The following ZNF587B variants were observed in gnomAD, a reference collection of about 807,000 sequenced individuals.
ZNF587B encodes zinc finger protein 587B.
ZNF587B carries 6 observed loss-of-function variants against 7.2 expected under a neutral mutation model. That is an observed-to-expected ratio of 0.83 (90% CI 0.46 to 1.65). The LOEUF is 1.65. Among genes scored for constraint, ZNF587B ranks in the 40% most tolerant of loss-of-function variants. The probability of loss-of-function intolerance (pLI) is 0.01; values close to 1 mark genes in which losing one functional copy is unlikely to be tolerated. For missense variants in ZNF587B, 749 were observed against 761.0 expected (o/e 0.98, Z 0.19); for synonymous variants, 274 against 254.3 (o/e 1.08, Z -0.74).
intron 1 of ZNF587B, among the ~76,000 whole-genome samples, chr19:57,837,487 A>C (rs926512218): frequency 5.7e-5 from 8 of 140,198 alleles, no homozygotes; most frequent in African/African-American, 8.0e-5. Flanking sequence ...CTCGCTCTGT[A>C]GCCCAGGCTG....
Position 57,837,375 on chromosome 19 carries a change from A to T in ZNF587B, c.37-1648A>T, listed in dbSNP as rs1190571020. Among the ~76,000 whole-genome samples, 3 of 147,388 alleles carry T rather than the reference A, an allele frequency of 2.0e-5. 1 individual carries two copies. Among genetic ancestry groups the T allele is most frequent in the South Asian group, 4.3e-4 (2 of 4,630 alleles). ...TGGTTCAAGTGATTCTCCTGCCTCA[A>T]CCTCCTGAGTAGCTGGGATCACAGG... On this transcript the variant is annotated intron_variant, in intron 1 of 2. Coordinates refer to ENST00000594901, the MANE Select transcript of ZNF587B (RefSeq NM_001376223.1).
At chr19:57,832,384 C>T (rs539557552) in intron 1 of ZNF587B, among the ~76,000 whole-genome samples, 2 of 152,244 alleles carry the variant, frequency 1.3e-5, no homozygotes, top group Non-Finnish European at 2.9e-5. Context: ...TGTGCCCGGC[C>T]AATTCTATTT....
intron 1 of ZNF587B, among the ~76,000 whole-genome samples, chr19:57,832,551 C>T (rs1382813660): frequency 2.0e-5 from 3 of 152,136 alleles, no homozygotes; most frequent in Non-Finnish European, 4.4e-5. Flanking sequence ...GTCTTTGGTG[C>T]TTTATTTAGT....
chr19:57,832,810 C>A (rs549717253), intron 1 of ZNF587B, among the ~76,000 whole-genome samples: 79 of 152,380 alleles, frequency 5.2e-4, no homozygotes, highest in African/African-American at 1.9e-3. Context: ...AGCTGTACCA[C>A]CTTTGTGGTC....
In ZNF587B at chr19:57,836,512, A is replaced by T. The variant is rs2562048; in HGVS notation, c.37-2511A>T. On this transcript the variant is annotated intron_variant, in intron 1 of 2. Transcript: ENST00000594901. ...CATTTAACTCTCTTTTTATATATTT[A>T]AAATTTTTTCTCTCGTGTATGTATG... is the stretch of plus-strand genomic sequence containing the variant. Among the ~76,000 whole-genome samples the T allele has an allele frequency of 3.3e-5, 5 of 151,982 alleles. No homozygotes were observed. In the East Asian group the frequency reaches 9.7e-4, roughly 29 times the overall value.
chr19:57,834,608 C>T (rs1227652685), intron 1 of ZNF587B, among the ~76,000 whole-genome samples: 1 of 98,440 alleles, frequency 1.0e-5, no homozygotes, highest in African/African-American at 3.6e-5. Flanking sequence ...CTGAGGCAGG[C>T]GGATCAACTG....
intron 2 of ZNF587B, among the ~76,000 whole-genome samples, 177 bp downstream of exon 2, chr19:57,839,326 C>T (rs1988752216): frequency 6.6e-6 from 1 of 152,216 alleles, no homozygotes; most frequent in African/African-American, 2.4e-5. Context: ...TTTCTTGGAG[C>T]AGCCCCAGCA....
In ZNF587B at chr19:57,843,660, G is replaced by T. The variant is rs1422557382; in HGVS notation, c.*1084G>T. 2.7e-6 allele frequency: 2 copies of T among 753,550 alleles called. No homozygotes were observed. Among genetic ancestry groups the T allele is most frequent in the Non-Finnish European group, 3.2e-6 (2 of 630,856 alleles). 46.7% of individuals were successfully genotyped at this position (753,550 alleles called of 1,614,324 possible). ...ACTGTCACCGATACTGGAGTGCAGT[G>T]GTGTGATCCTGGTTCATTGCAACCT... On this transcript the variant is annotated 3_prime_UTR_variant, in exon 3 of 3. Coordinates refer to ENST00000594901, the MANE Select transcript of ZNF587B (RefSeq NM_001376223.1).
rs776810103 is a variant in ZNF587B, at chr19:57,841,765, G to T, written c.1091G>T (p.Ser364Ile). The T allele has an allele frequency of 6.2e-7, 1 of 1,608,754 alleles. No homozygotes were observed. The change falls in exon 3 of 3, where the codon AGT (serine) becomes ATT (isoleucine). Residue 364 changes from serine (S) to isoleucine (I), a missense_variant. Around this residue, in one of 3 missense-constraint regions of ZNF587B, gnomAD observed 656 missense variants for 596.5 expected, o/e 1.10. Coordinates refer to ENST00000594901, the MANE Select transcript of ZNF587B (RefSeq NM_001376223.1). ...YKCGECEKSF[S>I]RKPSLSYHQR... ...TGTGGAGAATGTGAGAAATCTTTTA[G>T]TCGGAAGCCCAGCCTTAGTTACCAT...
In ZNF587B at chr19:57,843,644, G is replaced by A. The variant is rs113571283; in HGVS notation, c.*1068G>A. On this transcript the variant is annotated 3_prime_UTR_variant, in exon 3 of 3. Coordinates refer to ENST00000594901, the MANE Select transcript of ZNF587B (RefSeq NM_001376223.1). ...TTGGAGACAAAGTTTCACTGTCACC[G>A]ATACTGGAGTGCAGTGGTGTGATCC... The A allele has an allele frequency of 1.3e-3, 1,051 of 784,192 alleles. 6 individuals are homozygous for A. In the African/African-American group the frequency reaches 0.017, roughly 13 times the overall value. 48.6% of individuals were successfully genotyped at this position (784,192 alleles called of 1,614,324 possible). A position where few individuals can be genotyped will look rare whatever the true frequency, so the allele number is the denominator to read the frequency against.
chr19:57,842,731 A>G lies in ZNF587B; in HGVS notation c.*155A>G. 1.0e-6 allele frequency: 1 copy of G among 985,432 alleles called. No individual in the cohort carries two copies. Among genetic ancestry groups the G allele is most frequent in the African/African-American group, 1.7e-5 (1 of 57,360 alleles). 61.0% of individuals were successfully genotyped at this position (985,432 alleles called of 1,614,324 possible). On this transcript the variant is annotated 3_prime_UTR_variant, in exon 3 of 3. Transcript: ENST00000594901. Reference sequence around the variant, plus strand: ...CACCAGAGAAAAGTCCTTACAAGTAAAATAAATTTGGCAGTTTTGTAGCCA... The same window carrying G: ...CACCAGAGAAAAGTCCTTACAAGTAGAATAAATTTGGCAGTTTTGTAGCCA...
chr19:57,831,405 T>C (rs991939031), intron 1 of ZNF587B, among the ~76,000 whole-genome samples: 1 of 152,224 alleles, frequency 6.6e-6, no homozygotes, highest in Admixed American at 6.5e-5. Context: ...TATTTTTTAT[T>C]TTTTTGAGAC....
In ZNF587B at chr19:57,843,168, A is replaced by T. The variant is rs10424027; in HGVS notation, c.*592A>T. 1.7e-6 allele frequency: 1 copy of T among 590,262 alleles called. No homozygotes were observed. The highest frequency in any genetic ancestry group is 2.0e-5 in the African/African-American group (1 of 49,298). The allele number at this position is 590,262 out of a possible 1,614,324, so 36.6% of individuals were successfully genotyped here. On this transcript the variant is annotated 3_prime_UTR_variant, in exon 3 of 3. Coordinates refer to ENST00000594901, the MANE Select transcript of ZNF587B (RefSeq NM_001376223.1). ...CACCACCATGCCTGGCTATTTTCTC[A>T]TATTAGTAGATATAGGGTTTTACCA...
At position 57,840,949 on chromosome 19, in the gene ZNF587B, AC is replaced by A. The variant is rs1988817682; in HGVS notation, c.279del (p.Cys94ValfsTer65). On this transcript the variant is annotated frameshift_variant, in exon 3 of 3. Coordinates refer to ENST00000594901, the MANE Select transcript of ZNF587B (RefSeq NM_001376223.1). LOFTEE classifies it low-confidence loss of function (END_TRUNC). Reference protein sequence around the residue: ...PVTGVSPKKAHPCEMCGPILG... With the variant: ...PVTGVSPKKAXPCEMCGPILG... The stretch of plus-strand genomic sequence containing the variant: ...ACAGGTGTGTCTCCCAAGAAGGCCC[AC>A]CCCTGTGAGATGTGTGGCCCGATCT... 6.3e-7 allele frequency: 1 copy of A among 1,585,846 alleles called. No individual in the cohort carries two copies. The highest frequency in any genetic ancestry group is 1.7e-5 in the Admixed American group (1 of 57,850).
At position 57,844,336 on chromosome 19, in the gene ZNF587B, C is replaced by A; in HGVS notation, c.*1760C>A. ...TGGGCAATATAGTGAAATCCTGTCT[C>A]TTCTAAAAATATAAAAATTAGCCGG... On this transcript the variant is annotated 3_prime_UTR_variant, in exon 3 of 3. Coordinates refer to ENST00000594901, the MANE Select transcript of ZNF587B (RefSeq NM_001376223.1). The A allele has an allele frequency of 3.3e-6, 1 of 302,894 alleles. No individual in the cohort carries two copies. Among genetic ancestry groups the A allele is most frequent in the Non-Finnish European group, 6.7e-6 (1 of 150,274 alleles). 18.8% of individuals were successfully genotyped at this position (302,894 alleles called of 1,614,324 possible).
intron 1 of ZNF587B, among the ~76,000 whole-genome samples, chr19:57,831,221 T>C (rs537998738): frequency 1.3e-5 from 2 of 152,066 alleles, no homozygotes; most frequent in South Asian, 4.2e-4. Context: ...GGCTCTCTTA[T>C]GTAAGGGAGA....
intron 1 of ZNF587B, among the ~76,000 whole-genome samples, chr19:57,837,649 C>T (rs187907542): frequency 1.1e-4 from 16 of 152,124 alleles, no homozygotes; most frequent in Non-Finnish European, 1.8e-4. Context: ...GGGGTTTCAC[C>T]GTGTTAGGCA....
intron 1 of ZNF587B, among the ~76,000 whole-genome samples, chr19:57,835,742 A>G (rs1988576345): frequency 7.2e-6 from 1 of 139,660 alleles, no homozygotes. Context: ...TAGGCATAAT[A>G]CAGTCACTGG....
At chr19:57,840,009 C>T (rs1415196930) in intron 2 of ZNF587B, among the ~76,000 whole-genome samples, 1 of 142,236 alleles carries the variant, frequency 7.0e-6, no homozygotes. Context: ...ACCCAGGAGG[C>T]AGAGGTGGTG....
Sources: allele counts gnomAD v4.1 joint callset (sites outside exome capture counted in the v4.1 genomes callset), GRCh38; gene constraint gnomAD v4.1.1; regional missense constraint gnomAD v4.1.1; transcripts MANE v1.5; gene names NCBI Gene and HGNC (gene_info 2026-07-23, HGNC 2026-07-21).